Variants in DMD observed in about 807,000 individuals in gnomAD.
DMD encodes the protein dystrophin, also known as mutant dystrophin.
In DMD, 63 loss-of-function variants were observed where a neutral mutation model predicts 330.1. That is an observed-to-expected ratio of 0.19 (90% CI 0.16 to 0.24). DMD has a LOEUF of 0.24. Among genes scored for constraint, DMD ranks in the 10% least tolerant of loss-of-function variants. DMD has a pLI of 1.00. For missense variants in DMD, 3,344 were observed against 2,684.1 expected, an observed-to-expected ratio of 1.25 and a Z score of -5.43; for synonymous variants, 1,223 against 959.8, an observed-to-expected ratio of 1.27 and a Z score of -5.07.
chrX:32,401,836 C>A (rs1254736265), intron 30 of DMD, among the ~76,000 whole-genome samples: 1 of 112,438 alleles, frequency 8.9e-6, no homozygotes, highest in Non-Finnish European at 1.9e-5. Flanking sequence ...GTTTATACAT[C>A]TACTACGTGC....
chrX:33,064,038 G>A (rs1306180197), intron 1 of DMD, among the ~76,000 whole-genome samples: 1 of 111,234 alleles, frequency 9.0e-6, no homozygotes, highest in Non-Finnish European at 1.9e-5. Context: ...TCTTCACAGA[G>A]CATTGAAAAT....
chrX:32,622,008 A>T (rs1010703422), intron 11 of DMD, among the ~76,000 whole-genome samples: 1 of 111,740 alleles, frequency 8.9e-6, no homozygotes, highest in Non-Finnish European at 1.9e-5. Flanking sequence ...TTACTGCTCT[A>T]GGTAACTTTA....
intron 4 of DMD, among the ~76,000 whole-genome samples, chrX:32,843,648 A>G (rs995205671): frequency 8.9e-6 from 1 of 112,250 alleles, no homozygotes; most frequent in Non-Finnish European, 1.9e-5. Context: ...AGAGTAAGTG[A>G]TCAACGTACT....
chrX:32,501,610 AAAG>A, intron 19 of DMD, 142 bp downstream of exon 19: 3 of 489,820 alleles, frequency 6.1e-6, no homozygotes, highest in South Asian at 3.3e-5. Context: ...AGCATTAAAA[AAAG>A]AATAATAAAA....
At chrX:31,295,460 C>G (rs1490221395) in intron 62 of DMD, among the ~76,000 whole-genome samples, 2 of 110,793 alleles carry the variant, frequency 1.8e-5, no homozygotes, top group African/African-American at 3.3e-5. Flanking sequence ...GTCACCCAGG[C>G]TAGAGTGCAA....
intron 44 of DMD, among the ~76,000 whole-genome samples, chrX:32,127,428 G>A (rs1028766267): frequency 2.7e-5 from 3 of 111,317 alleles, no homozygotes; most frequent in African/African-American, 9.8e-5. Flanking sequence ...TGGGAAGATA[G>A]AATCCTAACT....
chrX:32,181,908 T>C (rs758819030), intron 44 of DMD, among the ~76,000 whole-genome samples: 28 of 112,492 alleles, frequency 2.5e-4, no homozygotes, highest in African/African-American at 8.4e-4. Flanking sequence ...TCCACCAGAA[T>C]TGCAATTATA....
At chrX:31,373,975 G>T (rs1406087542) in intron 60 of DMD, among the ~76,000 whole-genome samples, 2 of 107,891 alleles carry the variant, frequency 1.9e-5, no homozygotes, top group Non-Finnish European at 3.8e-5. Flanking sequence ...AAATGTACAA[G>T]AAAAAAACAA....
intron 74 of DMD, among the ~76,000 whole-genome samples, chrX:31,165,356 C>A (rs898841192): frequency 8.9e-6 from 1 of 112,106 alleles, no homozygotes; most frequent in Non-Finnish European, 1.9e-5. Flanking sequence ...TACAGAGTTC[C>A]CTCGTGTTAT....
intron 61 of DMD, among the ~76,000 whole-genome samples, chrX:31,332,031 A>T (rs774764938): frequency 1.8e-5 from 2 of 112,393 alleles, no homozygotes; most frequent in East Asian, 5.6e-4. Flanking sequence ...AGAACTAAAC[A>T]TGTATACCTT....
chrX:32,548,068 G>A (rs192419265), intron 16 of DMD, among the ~76,000 whole-genome samples: 2 of 111,373 alleles, frequency 1.8e-5, no homozygotes, highest in East Asian at 5.6e-4. Context: ...AATGTTTCTT[G>A]GCTTTGGACA....
chrX:31,506,930 T>C (rs1297496064), intron 56 of DMD, among the ~76,000 whole-genome samples: 1 of 112,221 alleles, frequency 8.9e-6, no homozygotes, highest in African/African-American at 3.2e-5. Flanking sequence ...AATAATTCCA[T>C]AATACATATC....
chrX:32,652,229 A>G (rs903093442), intron 9 of DMD, among the ~76,000 whole-genome samples: 5 of 109,065 alleles, frequency 4.6e-5, no homozygotes, highest in African/African-American at 1.0e-4. Flanking sequence ...ATGGTGTGCT[A>G]CACCCATTAA....
chrX:32,652,375 G>C (rs188400390), intron 9 of DMD, among the ~76,000 whole-genome samples: 2 of 100,971 alleles, frequency 2.0e-5, no homozygotes, highest in East Asian at 3.3e-4. Context: ...CCATGAGTGA[G>C]AACATGTGGT....
At chrX:32,335,328 G>A (rs2097700212) in intron 41 of DMD, among the ~76,000 whole-genome samples, 1 of 107,199 alleles carries the variant, frequency 9.3e-6, no homozygotes, top group Non-Finnish European at 1.9e-5. Context: ...CAGCCTCTGA[G>A]AAGCTTGGAT....
At chrX:31,267,522 A>G (rs1363440946) in intron 62 of DMD, among the ~76,000 whole-genome samples, 2 of 112,159 alleles carry the variant, frequency 1.8e-5, no homozygotes, top group Non-Finnish European at 3.8e-5. Context: ...CGAACTTCTT[A>G]GAAATGAAAA....
chrX:32,164,067 T>C (rs1382245271), intron 44 of DMD, among the ~76,000 whole-genome samples: 1 of 111,148 alleles, frequency 9.0e-6, no homozygotes, highest in Non-Finnish European at 1.9e-5. Context: ...CTGCCCAGAG[T>C]GTCATACATA....
chrX:32,769,967 T>G (rs1256688473), intron 7 of DMD, among the ~76,000 whole-genome samples: 1 of 112,116 alleles, frequency 8.9e-6, no homozygotes, highest in Non-Finnish European at 1.9e-5. Context: ...AAACCCTTAC[T>G]TAGTACAGAC....
chrX:31,639,550 C>T (rs971126790), intron 54 of DMD, among the ~76,000 whole-genome samples: 4 of 111,746 alleles, frequency 3.6e-5, no homozygotes, highest in Admixed American at 9.5e-5. Flanking sequence ...TGGAAAATTA[C>T]GCTATGGATG....
Sources: gnomAD v4.1 joint callset for allele counts (sites outside exome capture counted in the v4.1 genomes callset) on GRCh38, gnomAD v4.1.1 for gene constraint, MANE v1.5 for transcripts, NCBI Gene and HGNC (gene_info 2026-07-23, HGNC 2026-07-21) for gene names.